Variants in CHD4 observed in about 807,000 individuals in gnomAD.
CHD4 encodes the protein chromodomain helicase DNA binding protein 4, also known as ATP-dependent chromatin remodeler CHD4.
Under a neutral mutation model 235.5 loss-of-function variants are expected in CHD4, and 35 were observed. The ratio of observed to expected loss-of-function variants is 0.15; its 90% CI spans 0.11 to 0.20. The LOEUF is 0.20. Ranked by LOEUF, CHD4 falls within the 10% of genes least tolerant of loss-of-function variation. The pLI is 1.00. For missense variants in CHD4, 1,329 were observed against 2,432.3 expected, an observed-to-expected ratio of 0.55 and a Z score of 9.54; for synonymous variants, 900 against 850.2, an observed-to-expected ratio of 1.06 and a Z score of -1.02.
chr12:6,587,226 G>T, intron 25 of CHD4, 158 bp downstream of exon 25: 2 of 683,606 alleles, frequency 2.9e-6, no homozygotes, highest in Non-Finnish European at 4.9e-6. Flanking sequence ...AATCTGATTA[G>T]TCATGTTATC....
intron 25 of CHD4, 86 bp from the exon 26 acceptor site, chr12:6,583,464 G>C: frequency 5.8e-6 from 7 of 1,208,196 alleles, no homozygotes; most frequent in Non-Finnish European, 8.1e-6. Flanking sequence ...CACTCTGCTA[G>C]CTCCTTTTCA....
At chr12:6,600,898 T>TCC (rs750691024) in intron 7 of CHD4, 28 bp downstream of exon 7, 3 of 1,546,908 alleles carry the variant, frequency 1.9e-6, no homozygotes, top group Non-Finnish European at 2.6e-6. Flanking sequence ...CATGGCACCC[T>TCC]CCCTAAAGCG....
chr12:6,575,030 G>A (rs895124117), intron 37 of CHD4, among the ~76,000 whole-genome samples: 4 of 151,742 alleles, frequency 2.6e-5, no homozygotes, highest in African/African-American at 7.2e-5. Context: ...TAGATGAAAC[G>A]CTGAAACACA....
intron 37 of CHD4, 131 bp downstream of exon 37, chr12:6,577,654 T>G: frequency 8.0e-7 from 1 of 1,248,272 alleles, no homozygotes; most frequent in Non-Finnish European, 1.1e-6. Flanking sequence ...GTAAGTTACT[T>G]GGGAGCAAAG....
chr12:6,574,260 C>CTT (rs1259904295), intron 37 of CHD4, among the ~76,000 whole-genome samples: 1 of 152,080 alleles, frequency 6.6e-6, no homozygotes, highest in Admixed American at 6.6e-5. Flanking sequence ...AAAAGGTACT[C>CTT]TTATGTTGTA....
At chr12:6,597,778 A>T (rs1312126902) in intron 12 of CHD4, 116 bp downstream of exon 12, 18 of 975,556 alleles carry the variant, frequency 1.8e-5, no homozygotes, top group Non-Finnish European at 2.8e-5. Flanking sequence ...AACAAAAAAC[A>T]AACAAAAAAA....
At chr12:6,599,725 A>C (rs1288962554) in intron 10 of CHD4, 48 bp downstream of exon 10, 3 of 1,611,786 alleles carry the variant, frequency 1.9e-6, no homozygotes, top group African/African-American at 1.3e-5. Context: ...CTACATAGAA[A>C]AGACTACACT....
chr12:6,578,624 T>C, intron 34 of CHD4, 78 bp from the exon 35 acceptor site: 1 of 1,595,586 alleles, frequency 6.3e-7, no homozygotes. Flanking sequence ...CACTGTATGC[T>C]ACAAGAATCC....
Position 6,581,622 on chromosome 12 carries a change from A to C in CHD4, c.4681+27T>G, listed in dbSNP as rs149702292. 34 of 1,614,182 alleles carry C rather than the reference A, an allele frequency of 2.1e-5. No homozygotes were observed. In the African/African-American group the frequency reaches 2.1e-4, roughly 10 times the overall value. ...TAGGCCAGGACAAAAAGAGAGGGAC[A>C]GAAAATGATAGGACAGGCAGACTTA... is the stretch of plus-strand genomic sequence containing the variant. On this transcript the variant is annotated intron_variant, in intron 31 of 39. Coordinates refer to ENST00000544040, the MANE Select transcript of CHD4 (RefSeq NM_001273.5).
intron 2 of CHD4, among the ~76,000 whole-genome samples, chr12:6,605,637 T>C (rs1948681504): frequency 6.6e-6 from 1 of 152,152 alleles, no homozygotes; most frequent in African/African-American, 2.4e-5. Context: ...TCCCTTCTTT[T>C]GCCCCTCTTC....
chr12:6,576,669 G>C (rs568824799), intron 37 of CHD4, among the ~76,000 whole-genome samples: 13 of 151,810 alleles, frequency 8.6e-5, no homozygotes, highest in African/African-American at 2.9e-4. Context: ...GCAGTGGTGC[G>C]ATCTCGGCTC....
intron 33 of CHD4, 180 bp downstream of exon 33, chr12:6,580,864 G>T: frequency 1.5e-6 from 1 of 653,104 alleles, no homozygotes; most frequent in South Asian, 2.0e-5. Flanking sequence ...AAAATTAGCT[G>T]GGCATGATGG....
intron 10 of CHD4, among the ~76,000 whole-genome samples, 171 bp from the exon 11 acceptor site, chr12:6,598,596 G>T (rs1003092683): frequency 6.6e-6 from 1 of 152,198 alleles, no homozygotes; most frequent in Non-Finnish European, 1.5e-5. Flanking sequence ...AGATCACGAG[G>T]TCAAGAGATC....
intron 33 of CHD4, chr12:6,580,727 A>AAAG (rs1555163920): frequency 2.0e-5 from 5 of 244,500 alleles, no homozygotes; most frequent in African/African-American, 1.5e-4. Context: ...AAAAAAAAAA[A>AAAG]GCCAGGCACA....
At chr12:6,586,486 A>T (rs1592269567) in intron 25 of CHD4, among the ~76,000 whole-genome samples, 1 of 152,240 alleles carries the variant, frequency 6.6e-6, no homozygotes, top group Non-Finnish European at 1.5e-5. Flanking sequence ...GCACTTTGGG[A>T]GGTCAAGGCA....
chr12:6,573,939 C>G (rs1381523850), intron 37 of CHD4, among the ~76,000 whole-genome samples: 1 of 152,050 alleles, frequency 6.6e-6, no homozygotes, highest in African/African-American at 2.4e-5. Flanking sequence ...CAGAAGAATG[C>G]TTGAACCCGG....
chr12:6,575,787 C>T (rs1423895937), intron 37 of CHD4, among the ~76,000 whole-genome samples: 2 of 152,142 alleles, frequency 1.3e-5, no homozygotes, highest in South Asian at 2.1e-4. Flanking sequence ...ACCTCTAGCC[C>T]GTCCACCTTT....
Position 6,602,067 on chromosome 12 carries a change from T to C in CHD4, c.331A>G (p.Thr111Ala). ...LRSDSEGSDY[T>A]PGKKKKKKLG... ...TTCTTCTTCTTCTTCTTGCCAGGAG[T>C]ATAGTCGCTGCCCTCACTGTCTGAG... Residue 111 changes from threonine to alanine, a missense_variant, in exon 4 of 40, where the codon ACT becomes GCT. Thr to Ala is a moderately conservative substitution (Grantham distance 58, BLOSUM62 0). Transcript: ENST00000544040. 2.5e-6 allele frequency: 4 copies of C among 1,613,288 alleles called. No individual in the cohort carries two copies. The highest frequency in any genetic ancestry group is 1.1e-5 in the South Asian group (1 of 91,058).
intron 33 of CHD4, chr12:6,580,833 C>G: frequency 1.7e-6 from 1 of 571,814 alleles, no homozygotes; most frequent in Non-Finnish European, 3.1e-6. Flanking sequence ...ATGGTGAAAC[C>G]CTGTCTCTAC....
Sources: gnomAD v4.1 joint callset for allele counts (sites outside exome capture counted in the v4.1 genomes callset) on GRCh38, gnomAD v4.1.1 for gene constraint, MANE v1.5 for transcripts, NCBI Gene and HGNC (gene_info 2026-07-23, HGNC 2026-07-21) for gene names.